AKAP6: variants seen among roughly 807,000 people sequenced by gnomAD.
AKAP6 encodes A-kinase anchoring protein 6.
AKAP6 carries 58 observed loss-of-function variants against 188.5 expected under a neutral mutation model. The observed-to-expected ratio is 0.31, with a 90% CI of 0.25 to 0.38. The LOEUF (loss-of-function observed/expected upper bound fraction) is 0.38. Ranked by LOEUF, AKAP6 falls within the 10% of genes least tolerant of loss-of-function variation. AKAP6 has a pLI of 1.00. For missense variants in AKAP6, 2,710 were observed against 2,740.0 expected, an observed-to-expected ratio of 0.99 and a Z score of 0.24; for synonymous variants, 989 against 998.6, an observed-to-expected ratio of 0.99 and a Z score of 0.18.
chr14:32,698,920 C>T (rs1415857816), intron 9 of AKAP6, among the ~76,000 whole-genome samples: 1 of 152,076 alleles, frequency 6.6e-6, no homozygotes, highest in Admixed American at 6.6e-5. Flanking sequence ...AGGACCGAAT[C>T]TTTATTCCTT....
intron 2 of AKAP6, among the ~76,000 whole-genome samples, chr14:32,466,317 G>A (rs141346060): frequency 1.4e-3 from 209 of 152,236 alleles, no homozygotes; most frequent in Middle Eastern, 3.4e-3. Context: ...CAAAGACTTG[G>A]AACCAACCCA....
chr14:32,800,141 C>A (rs991927183), intron 12 of AKAP6, among the ~76,000 whole-genome samples: 1 of 121,176 alleles, frequency 8.3e-6, no homozygotes. Context: ...CATATATATA[C>A]ACACATATAT....
At chr14:32,577,537 G>A (rs992990208) in intron 5 of AKAP6, among the ~76,000 whole-genome samples, 1 of 151,938 alleles carries the variant, frequency 6.6e-6, no homozygotes, top group African/African-American at 2.4e-5. Flanking sequence ...AGCAACTGAA[G>A]GTTTTCCCTT....
chr14:32,359,664 A>G (rs1186550135), intron 1 of AKAP6, among the ~76,000 whole-genome samples: 1 of 149,782 alleles, frequency 6.7e-6, no homozygotes, highest in African/African-American at 2.5e-5. Flanking sequence ...CTTCAAGTTT[A>G]TGGTAATTTG....
rs996410716 is a variant in AKAP6 at position 32,834,851 on chromosome 14, C to T, written c.*5046C>T. On this transcript the variant is annotated 3_prime_UTR_variant, in exon 14 of 14. Transcript: ENST00000280979. ...TGCTTCATCCATCTAAGGCAAGGGT[C>T]AGCAAACTGTGGCACGTGGGCCAAA... The T allele has an allele frequency of 3.3e-5, 5 of 152,218 alleles. No homozygotes were observed. In the East Asian group the frequency reaches 9.6e-4, roughly 29 times the overall value. 9.4% of individuals were successfully genotyped at this position (152,218 alleles called of 1,614,324 possible).
chr14:32,338,060 TG>T (rs1340851937), intron 1 of AKAP6, among the ~76,000 whole-genome samples: 2 of 152,148 alleles, frequency 1.3e-5, no homozygotes, highest in Non-Finnish European at 2.9e-5. Flanking sequence ...TTTTTGTGTT[TG>T]TTTGGTTTTT....
chr14:32,458,082 A>T (rs1286380220), intron 2 of AKAP6, among the ~76,000 whole-genome samples: 1 of 152,216 alleles, frequency 6.6e-6, no homozygotes, highest in African/African-American at 2.4e-5. Context: ...AAAGAAAGTT[A>T]ATTTGTTTAG....
chr14:32,455,379 G>T (rs1891118083), intron 2 of AKAP6, among the ~76,000 whole-genome samples: 1 of 152,070 alleles, frequency 6.6e-6, no homozygotes. Context: ...ATATAAATAG[G>T]CATATAATTT....
At chr14:32,385,491 A>T (rs1352434586) in intron 1 of AKAP6, among the ~76,000 whole-genome samples, 1 of 147,320 alleles carries the variant, frequency 6.8e-6, no homozygotes, top group Non-Finnish European at 1.5e-5. Context: ...AATTTGTGAG[A>T]TTTTGTTGCA....
At chr14:32,668,903 G>C (rs1375835000) in intron 7 of AKAP6, among the ~76,000 whole-genome samples, 3 of 151,900 alleles carry the variant, frequency 2.0e-5, no homozygotes, top group Non-Finnish European at 4.4e-5. Flanking sequence ...TTAAATTTTT[G>C]ATATATACTT....
chr14:32,353,391 C>G (rs993438434), intron 1 of AKAP6, among the ~76,000 whole-genome samples: 1 of 152,106 alleles, frequency 6.6e-6, no homozygotes, highest in Non-Finnish European at 1.5e-5. Flanking sequence ...GAAACCCTGT[C>G]TCTACTAAAA....
At chr14:32,444,927 G>A (rs1264302196) in intron 2 of AKAP6, among the ~76,000 whole-genome samples, 1 of 152,176 alleles carries the variant, frequency 6.6e-6, no homozygotes, top group Non-Finnish European at 1.5e-5. Context: ...TGTCACTAAG[G>A]GTGATTCTTG....
intron 2 of AKAP6, among the ~76,000 whole-genome samples, chr14:32,489,677 A>G (rs1879896401): frequency 6.6e-6 from 1 of 152,202 alleles, no homozygotes; most frequent in African/African-American, 2.4e-5. Context: ...TACGTGGAAT[A>G]CCCTGTGGCC....
At chr14:32,722,488 A>G (rs929686499) in intron 9 of AKAP6, among the ~76,000 whole-genome samples, 2 of 152,112 alleles carry the variant, frequency 1.3e-5, no homozygotes, top group Non-Finnish European at 2.9e-5. Flanking sequence ...AAATGAGAAC[A>G]TGCATTCCTG....
intron 11 of AKAP6, among the ~76,000 whole-genome samples, chr14:32,770,146 G>A (rs529610921): frequency 1.3e-5 from 2 of 152,168 alleles, no homozygotes; most frequent in South Asian, 4.2e-4. Flanking sequence ...CATTGCCACT[G>A]GTAAATTGAA....
Position 32,433,683 on chromosome 14 carries a change from T to A in AKAP6, c.190T>A (p.Trp64Arg). ...ACCCCCACTACACACAGGGGCTGAC[T>A]GGAAGATTGTCCTCCACTTACCTGA... is the stretch of plus-strand genomic sequence containing the variant. ...KPPPLHTGAD[W>R]KIVLHLPEIE... The change falls in exon 2 of 14, where the codon TGG becomes AGG. Residue 64 changes from tryptophan (W) to arginine (R), a missense_variant. Trp to Arg is a moderately radical substitution (Grantham distance 101). Transcript: ENST00000280979. 1 of 1,614,182 alleles carries A rather than the reference T, an allele frequency of 6.2e-7. No individual in the cohort carries two copies. Among genetic ancestry groups the A allele is most frequent in the Non-Finnish European group, 8.5e-7 (1 of 1,180,024 alleles).
chr14:32,459,498 A>C (rs1007447055), intron 2 of AKAP6, among the ~76,000 whole-genome samples: 22 of 152,112 alleles, frequency 1.4e-4, no homozygotes, highest in Admixed American at 5.9e-4. Flanking sequence ...AGAAAACAAA[A>C]ACAGTGGAAT....
intron 7 of AKAP6, among the ~76,000 whole-genome samples, chr14:32,641,754 G>A (rs1887767261): frequency 6.6e-6 from 1 of 152,202 alleles, no homozygotes; most frequent in East Asian, 1.9e-4. Context: ...TAAAAATGGT[G>A]TAATTTTTAG....
chr14:32,735,822 C>T lies in AKAP6; in HGVS notation c.3312C>T (p.Ser1104=). 1.2e-6 allele frequency: 2 copies of T among 1,613,230 alleles called. No homozygotes were observed. Among genetic ancestry groups the T allele is most frequent in the Non-Finnish European group, 8.5e-7 (1 of 1,179,602 alleles). ...ATACAGAGCTTTTCATCTTCAATTC[C>T]TGTCTGAGACAAGAAAAGGAAGGAA... ...LRDTELFIFN[S]CLRQEKEGTM... Residue 1104 remains serine, a synonymous_variant, in exon 11 of 14, where the codon TCC becomes TCT. Coordinates refer to ENST00000280979, the MANE Select transcript of AKAP6 (RefSeq NM_004274.5).
Sources: gnomAD v4.1 joint callset for allele counts (sites outside exome capture counted in the v4.1 genomes callset) on GRCh38, gnomAD v4.1.1 for gene constraint, MANE v1.5 for transcripts, NCBI Gene and HGNC (gene_info 2026-07-23, HGNC 2026-07-21) for gene names.